LDLRAD4: variants seen among roughly 807,000 people sequenced by gnomAD.
LDLRAD4 encodes low density lipoprotein receptor class A domain containing 4, also known as low-density lipoprotein receptor class A domain-containing protein 4.
In LDLRAD4, 5 loss-of-function variants were observed where a neutral mutation model predicts 17.0. The observed-to-expected ratio is 0.29, with a 90% CI of 0.15 to 0.62. The LOEUF is 0.62. LDLRAD4 is among the 20% of genes least tolerant of loss of function. The pLI is 0.84. For synonymous variants in LDLRAD4, 168 were observed against 171.8 expected (o/e 0.98, Z 0.17); for missense variants, 340 against 424.7 (o/e 0.80, Z 1.75).
chr18:13,231,745 C>T (rs940153436), intron 1 of LDLRAD4, among the ~76,000 whole-genome samples: 11 of 152,212 alleles, frequency 7.2e-5, no homozygotes, highest in African/African-American at 2.7e-4. Flanking sequence ...TCACAGACAA[C>T]ATCTAATTTC....
intron 2 of LDLRAD4, among the ~76,000 whole-genome samples, chr18:13,426,340 A>T (rs930898359): frequency 6.6e-6 from 1 of 152,252 alleles, no homozygotes; most frequent in Non-Finnish European, 1.5e-5. Context: ...GAAGTTCTTT[A>T]TGAAAGGTCT....
chr18:13,369,224 T>C (rs1005820873), intron 1 of LDLRAD4, among the ~76,000 whole-genome samples: 1 of 152,232 alleles, frequency 6.6e-6, no homozygotes, highest in Non-Finnish European at 1.5e-5. Flanking sequence ...GATCTGGTCA[T>C]TTTTCAGTTA....
At chr18:13,275,689 T>C (rs888424753), upstream of LDLRAD4, among the ~76,000 whole-genome samples, 1 of 152,246 alleles carries the variant, frequency 6.6e-6, no homozygotes, top group Non-Finnish European at 1.5e-5. Flanking sequence ...GATTTACTTA[T>C]TTCATATTAT....
chr18:13,400,879 G>A (rs982528508), intron 2 of LDLRAD4, among the ~76,000 whole-genome samples: 1 of 152,210 alleles, frequency 6.6e-6, no homozygotes, highest in African/African-American at 2.4e-5. Flanking sequence ...ACTGTAGTAG[G>A]CACTGGGGAC....
intron 1 of LDLRAD4, among the ~76,000 whole-genome samples, chr18:13,255,562 T>C (rs2043458900): frequency 6.6e-6 from 1 of 152,164 alleles, no homozygotes; most frequent in Non-Finnish European, 1.5e-5. Context: ...TGATTTCCCA[T>C]AGGGCCCAGG....
intron 3 of LDLRAD4, among the ~76,000 whole-genome samples, chr18:13,570,650 GT>G: frequency 6.6e-6 from 1 of 152,218 alleles, no homozygotes; most frequent in Non-Finnish European, 1.5e-5. Context: ...AGGAGTCCCA[GT>G]TAATTGGGAG....
At chr18:13,354,252 A>G (rs1483880834) in intron 1 of LDLRAD4, among the ~76,000 whole-genome samples, 1 of 152,148 alleles carries the variant, frequency 6.6e-6, no homozygotes, top group African/African-American at 2.4e-5. Context: ...TTAGCATTTA[A>G]TTTTTTCAAG....
chr18:13,225,992 CTTTT>C (rs896560346), intron 1 of LDLRAD4, among the ~76,000 whole-genome samples: 1 of 150,664 alleles, frequency 6.6e-6, no homozygotes, highest in African/African-American at 2.4e-5. Context: ...CGTCTTTAAA[CTTTT>C]TTTTTAGAAA....
intron 1 of LDLRAD4, among the ~76,000 whole-genome samples, chr18:13,271,379 G>A (rs1164291409): frequency 1.3e-5 from 2 of 152,302 alleles, no homozygotes; most frequent in East Asian, 3.9e-4. Context: ...AGGGTGGAGA[G>A]GGACCCTCTG....
chr18:13,511,656 T>C (rs1416024572), intron 3 of LDLRAD4, among the ~76,000 whole-genome samples: 2 of 152,226 alleles, frequency 1.3e-5, no homozygotes, highest in Non-Finnish European at 2.9e-5. Flanking sequence ...CCTCAAGGAC[T>C]GACTTGAATG....
exon 6 of LDLRAD4, chr18:13,648,110 G>T (rs950284824): frequency 3.3e-5 from 5 of 152,208 alleles, no homozygotes; most frequent in African/African-American, 9.7e-5. Context: ...TGCAGTTTTG[G>T]TGAAGCAGGA....
At chr18:13,605,068 T>C (rs1289424141) in intron 3 of LDLRAD4, among the ~76,000 whole-genome samples, 2 of 152,254 alleles carry the variant, frequency 1.3e-5, no homozygotes, top group Non-Finnish European at 2.9e-5. Context: ...TTCATCATTC[T>C]GTCTTTACAA....
chr18:13,523,997 G>C (rs571559726), intron 3 of LDLRAD4, among the ~76,000 whole-genome samples: 1 of 152,354 alleles, frequency 6.6e-6, no homozygotes, highest in African/African-American at 2.4e-5. Context: ...GGACACAGGA[G>C]GGGGACCATT....
intron 4 of LDLRAD4, among the ~76,000 whole-genome samples, chr18:13,640,771 G>A (rs2042479766): frequency 6.6e-6 from 1 of 152,148 alleles, no homozygotes; most frequent in Non-Finnish European, 1.5e-5. Flanking sequence ...CTGGCCTCAG[G>A]AACTCTCTGT....
rs1271450908 is a variant in LDLRAD4 at position 13,325,321 on chromosome 18, A to G, written c.-383+47133A>G. On this transcript the variant is annotated intron_variant, in intron 1 of 5. Transcript: ENST00000359446. Reference sequence around the variant, plus strand: ...TGGACTTCTCAGGGAGGCCAACAGCAGAGCTTTGATCCCTCAAGGAAGACG... The same window carrying G: ...TGGACTTCTCAGGGAGGCCAACAGCGGAGCTTTGATCCCTCAAGGAAGACG... 2.0e-5 allele frequency among the ~76,000 whole-genome samples: 3 copies of G among 152,218 alleles called. No individual in the cohort carries two copies. In the East Asian group the frequency reaches 5.8e-4, roughly 29 times the overall value.
At chr18:13,652,242 C>T (rs9892) in exon 6 of LDLRAD4, 5 of 152,320 alleles carry the variant, frequency 3.3e-5, no homozygotes, top group Admixed American at 2.0e-4. Flanking sequence ...GAGGCTTAAA[C>T]TTTACTGTTA....
intron 4 of LDLRAD4, chr18:13,642,369 ACT>A: frequency 9.8e-7 from 1 of 1,025,044 alleles, no homozygotes; most frequent in Non-Finnish European, 1.2e-6. Context: ...TGACAGCCAC[ACT>A]CTGGGCTGAA....
At chr18:13,225,665 T>C (rs1205949120) in intron 1 of LDLRAD4, among the ~76,000 whole-genome samples, 1 of 152,196 alleles carries the variant, frequency 6.6e-6, no homozygotes, top group Non-Finnish European at 1.5e-5. Flanking sequence ...ACATGTGTAC[T>C]GAAGAGAATT....
intron 3 of LDLRAD4, among the ~76,000 whole-genome samples, chr18:13,535,239 C>T (rs142158197): frequency 2.2e-4 from 33 of 152,260 alleles, no homozygotes; most frequent in Non-Finnish European, 3.8e-4. Context: ...TAATGGGTAA[C>T]GCTATACTGG....
Sources: gnomAD v4.1 joint callset for allele counts (sites outside exome capture counted in the v4.1 genomes callset) on GRCh38, gnomAD v4.1.1 for gene constraint, MANE v1.5 for transcripts, NCBI Gene and HGNC (gene_info 2026-07-23, HGNC 2026-07-21) for gene names.